KIAA0825: variants seen among roughly 807,000 people sequenced by gnomAD.
KIAA0825 encodes the protein uncharacterized protein KIAA0825.
KIAA0825 carries 119 observed loss-of-function variants against 147.6 expected under a neutral mutation model. The ratio of observed to expected loss-of-function variants is 0.81; its 90% CI spans 0.69 to 0.94. The LOEUF (loss-of-function observed/expected upper bound fraction) is 0.94, where lower values mean the gene tolerates loss of function less well. Among genes scored for constraint, KIAA0825 ranks in the 40% least tolerant of loss-of-function variants. KIAA0825 has a pLI of 0.00. For missense variants in KIAA0825, 1,381 were observed against 1,472.7 expected, an observed-to-expected ratio of 0.94 and a Z score of 1.02; for synonymous variants, 470 against 518.1, an observed-to-expected ratio of 0.91 and a Z score of 1.26.
At chr5:94,305,239 T>G (rs1013926147) in intron 20 of KIAA0825, among the ~76,000 whole-genome samples, 2 of 152,030 alleles carry the variant, frequency 1.3e-5, no homozygotes, top group Non-Finnish European at 2.9e-5. Context: ...ATGACCAATC[T>G]TTCTTAATTC....
chr5:94,386,284 G>A lies in KIAA0825; in HGVS notation c.3577C>T (p.His1193Tyr), dbSNP rs1749129415. The change falls in exon 19 of 21, where the codon CAT (histidine) becomes TAT (tyrosine). Residue 1193 changes from histidine (H) to tyrosine (Y), a missense_variant. His to Tyr is a moderately conservative substitution (Grantham distance 83, BLOSUM62 2). Transcript: ENST00000682413. ...TTTTCACTAAACGCCTTATACACAT[G>A]GAAAGGGTTAAAGGCAGAAGGCTGA... is the stretch of plus-strand genomic sequence containing the variant. ...EDQPSAFNPF[H>Y]VYKAFSENML... 6.4e-7 allele frequency: 1 copy of A among 1,551,150 alleles called. No individual in the cohort carries two copies. Among genetic ancestry groups the A allele is most frequent in the Non-Finnish European group, 8.7e-7 (1 of 1,146,750 alleles).
chr5:94,536,912 A>C, intron 3 of KIAA0825, 84 bp downstream of exon 3: 1 of 911,440 alleles, frequency 1.1e-6, no homozygotes, highest in Non-Finnish European at 1.6e-6. Context: ...AAAATTATCT[A>C]AGAGCAGGAT....
chr5:94,486,961 T>C (rs1284425530), intron 5 of KIAA0825, among the ~76,000 whole-genome samples: 1 of 152,196 alleles, frequency 6.6e-6, no homozygotes, highest in East Asian at 1.9e-4. Flanking sequence ...TTAAGCATGT[T>C]TAAGAAGTCT....
chr5:94,247,142 A>G (rs909625481), intron 20 of KIAA0825, among the ~76,000 whole-genome samples: 2 of 152,158 alleles, frequency 1.3e-5, no homozygotes, highest in African/African-American at 2.4e-5. Flanking sequence ...GTGCCATAGC[A>G]GCTGAAATTC....
At chr5:94,169,567 A>C (rs201093896) in intron 20 of KIAA0825, among the ~76,000 whole-genome samples, 1 of 133,372 alleles carries the variant, frequency 7.5e-6, no homozygotes, top group African/African-American at 3.2e-5. Context: ...GGGTGACAGA[A>C]AAAAAAAAAA....
In KIAA0825 at chr5:94,386,331, G is replaced by C. The variant is rs72771666; in HGVS notation, c.3530C>G (p.Thr1177Arg). ...EKPLPIRPLK[T>R]TLRSIEDQPS... is the part of the protein sequence containing the mutation. ...CTGATCTTCTATACTCCTCAAGGTC[G>C]TCTTTAAAGGTCGGATGGGTAATGG... is the stretch of plus-strand genomic sequence containing the variant. Residue 1177 changes from threonine (T) to arginine (R), a missense_variant, in exon 19 of 21, where the codon ACG becomes AGG. Thr to Arg is a moderately conservative substitution (Grantham distance 71). Transcript: ENST00000682413. 1.3e-6 allele frequency: 2 copies of C among 1,551,470 alleles called. No homozygotes were observed. Among genetic ancestry groups the C allele is most frequent in the Non-Finnish European group, 1.7e-6 (2 of 1,146,754 alleles).
intron 20 of KIAA0825, among the ~76,000 whole-genome samples, chr5:94,333,750 AG>A (rs1781511179): frequency 6.6e-6 from 1 of 152,152 alleles, no homozygotes; most frequent in Admixed American, 6.6e-5. Flanking sequence ...ACTTCAGCAA[AG>A]TCTCAGGATA....
chr5:94,455,843 G>A (rs1481986537), intron 12 of KIAA0825, among the ~76,000 whole-genome samples: 1 of 152,106 alleles, frequency 6.6e-6, no homozygotes, highest in Non-Finnish European at 1.5e-5. Context: ...GATCCAAGTG[G>A]GGAAGGATGA....
intron 20 of KIAA0825, among the ~76,000 whole-genome samples, chr5:94,238,470 A>G (rs1403336101): frequency 6.6e-6 from 1 of 152,202 alleles, no homozygotes; most frequent in African/African-American, 2.4e-5. Context: ...AAAAGTGCCC[A>G]AGGAAGTATT....
intron 12 of KIAA0825, among the ~76,000 whole-genome samples, chr5:94,460,067 A>G (rs1349370671): frequency 6.6e-6 from 1 of 152,092 alleles, no homozygotes; most frequent in Non-Finnish European, 1.5e-5. Context: ...CTAGTAATTA[A>G]TTTTTAACCT....
intron 15 of KIAA0825, among the ~76,000 whole-genome samples, chr5:94,404,544 A>G (rs1026101217): frequency 5.3e-5 from 8 of 152,126 alleles, no homozygotes; most frequent in African/African-American, 1.2e-4. Context: ...GCAAAATGTT[A>G]GAGCCGGTTC....
Position 94,162,143 on chromosome 5 carries a change from G to A in KIAA0825, c.3711-8019C>T, listed in dbSNP as rs377642938. Among the ~76,000 whole-genome samples the A allele has an allele frequency of 2.3e-4, 35 of 152,194 alleles. 1 individual carries two copies. Among genetic ancestry groups the A allele is most frequent in the East Asian group, 1.9e-3 (10 of 5,176 alleles). On this transcript the variant is annotated intron_variant, in intron 20 of 20. Coordinates refer to ENST00000682413, the MANE Select transcript of KIAA0825 (RefSeq NM_001145678.3). ...TCAGCATTTACATCCTTCTTAACTT[G>A]ATACTTTTAAAGAATCTATAGGTTA...
intron 15 of KIAA0825, among the ~76,000 whole-genome samples, chr5:94,405,322 T>C (rs1174966057): frequency 6.6e-6 from 1 of 151,882 alleles, no homozygotes; most frequent in Non-Finnish European, 1.5e-5. Context: ...TTACTGGGAG[T>C]TTTTCAGGCT....
chr5:94,361,688 T>C (rs1745081699), intron 20 of KIAA0825, among the ~76,000 whole-genome samples: 1 of 152,166 alleles, frequency 6.6e-6, no homozygotes, highest in South Asian at 2.1e-4. Flanking sequence ...CTTGCTGAAA[T>C]CAAATTTTAG....
chr5:94,316,637 G>A (rs914552671), intron 20 of KIAA0825, among the ~76,000 whole-genome samples: 1 of 151,722 alleles, frequency 6.6e-6, no homozygotes, highest in Non-Finnish European at 1.5e-5. Flanking sequence ...GCTGTCCTGA[G>A]AGTCATATAT....
chr5:94,443,718 G>C (rs1353966900), intron 13 of KIAA0825, among the ~76,000 whole-genome samples: 1 of 151,978 alleles, frequency 6.6e-6, no homozygotes, highest in Non-Finnish European at 1.5e-5. Context: ...CAATTTTTTG[G>C]TATGTACTCA....
intron 5 of KIAA0825, among the ~76,000 whole-genome samples, chr5:94,497,768 A>G (rs75101869): frequency 0.013 from 2,020 of 152,308 alleles, 42 homozygotes; most frequent in African/African-American, 0.046. Flanking sequence ...ACAGATTGCC[A>G]GGCCCACTCC....
At chr5:94,239,034 G>A (rs991009771) in intron 20 of KIAA0825, among the ~76,000 whole-genome samples, 1 of 152,112 alleles carries the variant, frequency 6.6e-6, no homozygotes, top group African/African-American at 2.4e-5. Context: ...TTATTTTAAT[G>A]TATTCCTTTT....
intron 20 of KIAA0825, among the ~76,000 whole-genome samples, chr5:94,352,920 T>TG: frequency 7.1e-6 from 1 of 140,468 alleles, no homozygotes. Context: ...TTTGGGGACT[T>TG]GGGGGGAAGA....
Sources: allele counts gnomAD v4.1 joint callset (sites outside exome capture counted in the v4.1 genomes callset), GRCh38; gene constraint gnomAD v4.1.1; transcripts MANE v1.5; gene names NCBI Gene and HGNC (gene_info 2026-07-23, HGNC 2026-07-21).